The following MGAT4C variants were observed in gnomAD, a reference collection of about 807,000 sequenced individuals.
MGAT4C encodes MGAT4 family member C.
MGAT4C carries 19 observed loss-of-function variants against 40.1 expected under a neutral mutation model. The observed-to-expected ratio is 0.47, with a 90% CI of 0.33 to 0.70. MGAT4C has a LOEUF of 0.70. MGAT4C is among the 30% of genes least tolerant of loss of function. The pLI, the probability that MGAT4C is intolerant of heterozygous loss-of-function variation, is 0.02. For missense variants in MGAT4C, 491 were observed against 563.2 expected (o/e 0.87, Z 1.30); for synonymous variants, 181 against 187.1 (o/e 0.97, Z 0.27).
Position 85,960,137 on chromosome 12 carries a change from A to G in MGAT4C, c.*19152T>C, listed in dbSNP as rs1883033376. The G allele has an allele frequency of 6.6e-6, 1 of 151,990 alleles. No individual in the cohort carries two copies. The highest frequency in any genetic ancestry group is 6.6e-5 in the Admixed American group (1 of 15,228). 9.4% of individuals were successfully genotyped at this position (151,990 alleles called of 1,614,324 possible). A position where few individuals can be genotyped will look rare whatever the true frequency, so the allele number is the denominator to read the frequency against. ...TTATTTTTCGGTCTATGGTGCCCAC[A>G]TTGTGTCACCAGCCAGCCGTATGCA... On this transcript the variant is annotated 3_prime_UTR_variant, in exon 5 of 5. Transcript: ENST00000611864.
At chr12:86,518,864 T>TA (rs1025515266) in intron 2 of MGAT4C, among the ~76,000 whole-genome samples, 255 of 149,920 alleles carry the variant, frequency 1.7e-3, no homozygotes, top group Non-Finnish European at 2.2e-3. Flanking sequence ...CAGTAAAAAT[T>TA]AAAAAAAAAA....
At chr12:86,373,687 T>A (rs938890549) in intron 3 of MGAT4C, among the ~76,000 whole-genome samples, 1 of 151,846 alleles carries the variant, frequency 6.6e-6, no homozygotes, top group African/African-American at 2.4e-5. Context: ...TAGTTCTTTG[T>A]TACTACTGCA....
At chr12:86,678,288 T>C (rs1434315107) in intron 2 of MGAT4C, among the ~76,000 whole-genome samples, 1 of 152,090 alleles carries the variant, frequency 6.6e-6, no homozygotes, top group East Asian at 1.9e-4. Context: ...ATTCCTCAAC[T>C]TACCTTATTC....
At chr12:86,086,403 G>A (rs1218516439) in intron 1 of MGAT4C, among the ~76,000 whole-genome samples, 1 of 151,964 alleles carries the variant, frequency 6.6e-6, no homozygotes, top group Non-Finnish European at 1.5e-5. Context: ...GGGAGCAAGG[G>A]GAGGAATAGC....
chr12:86,288,723 G>A (rs1953422150), intron 4 of MGAT4C, among the ~76,000 whole-genome samples: 1 of 152,032 alleles, frequency 6.6e-6, no homozygotes, highest in Non-Finnish European at 1.5e-5. Flanking sequence ...TTTTTGGAAA[G>A]TGTCTGTTCA....
intron 2 of MGAT4C, among the ~76,000 whole-genome samples, chr12:86,477,981 A>G (rs1244166928): frequency 2.0e-5 from 3 of 152,164 alleles, no homozygotes; most frequent in Non-Finnish European, 4.4e-5. Flanking sequence ...TTCTTTTAAG[A>G]GCATTTCATA....
At chr12:86,747,183 A>G (rs1167000413) in intron 1 of MGAT4C, among the ~76,000 whole-genome samples, 1 of 151,678 alleles carries the variant, frequency 6.6e-6, no homozygotes, top group Non-Finnish European at 1.5e-5. Context: ...TAAATGAGTT[A>G]ATGTATGTAA....
chr12:85,989,591 TG>T, intron 2 of MGAT4C, 39 bp from the exon 3 acceptor site: 1 of 1,525,094 alleles, frequency 6.6e-7, no homozygotes, highest in South Asian at 1.3e-5. Context: ...CAGTTGGTTT[TG>T]GATGCAAATA....
intron 2 of MGAT4C, among the ~76,000 whole-genome samples, chr12:86,522,600 C>T (rs116735291): frequency 5.3e-5 from 8 of 152,044 alleles, no homozygotes; most frequent in African/African-American, 1.4e-4. Context: ...ATCAGGAAGA[C>T]GCTGGTCTTA....
At chr12:86,509,633 T>A (rs2136346066) in intron 2 of MGAT4C, among the ~76,000 whole-genome samples, 1 of 152,308 alleles carries the variant, frequency 6.6e-6, no homozygotes, top group African/African-American at 2.4e-5. Flanking sequence ...TGGCATTGAA[T>A]CTGTAAATTA....
At chr12:86,554,522 G>T (rs1959518537) in intron 2 of MGAT4C, among the ~76,000 whole-genome samples, 1 of 152,102 alleles carries the variant, frequency 6.6e-6, no homozygotes, top group East Asian at 1.9e-4. Context: ...GTTTCCCCAA[G>T]ATCCTTCTTC....
intron 3 of MGAT4C, among the ~76,000 whole-genome samples, chr12:86,418,191 C>T (rs980893884): frequency 3.3e-5 from 5 of 152,100 alleles, no homozygotes; most frequent in Non-Finnish European, 7.3e-5. Flanking sequence ...AAATGCTGCT[C>T]ATGACTAACT....
At chr12:86,074,489 A>C (rs2137047478) in intron 1 of MGAT4C, among the ~76,000 whole-genome samples, 1 of 152,302 alleles carries the variant, frequency 6.6e-6, no homozygotes, top group South Asian at 2.1e-4. Context: ...CCATATTTTT[A>C]TAGAAGTGAG....
At chr12:86,575,076 A>G (rs1960508019) in intron 2 of MGAT4C, among the ~76,000 whole-genome samples, 2 of 151,688 alleles carry the variant, frequency 1.3e-5, no homozygotes, top group African/African-American at 2.4e-5. Flanking sequence ...TGTACACACT[A>G]TAAACATAAA....
chr12:86,060,944 A>G (rs1893896637), intron 1 of MGAT4C, among the ~76,000 whole-genome samples: 1 of 152,124 alleles, frequency 6.6e-6, no homozygotes, highest in South Asian at 2.1e-4. Context: ...GAGGAAGGAA[A>G]TCCTGCGCCC....
chr12:86,700,102 TAGATGATA>T (rs1455386285), intron 2 of MGAT4C, among the ~76,000 whole-genome samples: 1 of 149,614 alleles, frequency 6.7e-6, no homozygotes, highest in Non-Finnish European at 1.5e-5. Flanking sequence ...GATAGATAGA[TAGATGATA>T]GATAGGTAGA....
chr12:86,382,797 T>C lies in MGAT4C; in HGVS notation c.-119-48670A>G, dbSNP rs899864430. Among the ~76,000 whole-genome samples the C allele has an allele frequency of 5.3e-5, 8 of 152,300 alleles. No homozygotes were observed. In the East Asian group the frequency reaches 1.6e-3, roughly 30 times the overall value. On this transcript the variant is annotated intron_variant, in intron 3 of 7. Transcript: ENST00000548651. ...AGGTATAAGCCCCAAGCCTTAGAAG[T>C]TTCCATGGGATTTTGAGCTGTGAGT...
intron 4 of MGAT4C, among the ~76,000 whole-genome samples, chr12:86,329,102 CAATAAATAAATAAATA>C (rs59833458): frequency 4.2e-4 from 59 of 139,316 alleles, no homozygotes; most frequent in Middle Eastern, 3.3e-3. Flanking sequence ...GACTCCATTT[CAATAAATAAATAAATA>C]AATAAATAAA....
At chr12:86,765,146 A>C (rs1242923229) in intron 1 of MGAT4C, among the ~76,000 whole-genome samples, 1 of 152,206 alleles carries the variant, frequency 6.6e-6, no homozygotes, top group Non-Finnish European at 1.5e-5. Flanking sequence ...TATAACTAGA[A>C]TAACCAATAC....
Sources: gnomAD v4.1 joint callset for allele counts (sites outside exome capture counted in the v4.1 genomes callset) on GRCh38, gnomAD v4.1.1 for gene constraint, MANE v1.5 for transcripts, NCBI Gene and HGNC (gene_info 2026-07-23, HGNC 2026-07-21) for gene names.